The following RPL21 variants were observed in gnomAD, a reference collection of about 807,000 sequenced individuals.
RPL21 encodes the protein ribosomal protein L21.
RPL21 carries 1 observed loss-of-function variant against 21.2 expected under a neutral mutation model. The ratio of observed to expected loss-of-function variants is 0.05; its 90% CI spans 0.02 to 0.22. The LOEUF (loss-of-function observed/expected upper bound fraction) is 0.22. Among genes scored for constraint, RPL21 ranks in the 10% least tolerant of loss-of-function variants. The pLI is 1.00. For synonymous variants in RPL21, 52 were observed against 62.9 expected, an observed-to-expected ratio of 0.83 and a Z score of 0.82; for missense variants, 113 against 199.4, an observed-to-expected ratio of 0.57 and a Z score of 2.61.
At chr13:27,255,805 C>T in intron 4 of RPL21, 2 of 329,026 alleles carry the variant, frequency 6.1e-6, no homozygotes, top group Non-Finnish European at 1.2e-5. Context: ...ATCTCCTGAC[C>T]TCGTGATCTG....
At chr13:27,253,962 A>G in intron 2 of RPL21, 119 bp downstream of exon 2, 1 of 748,468 alleles carries the variant, frequency 1.3e-6, no homozygotes, top group Non-Finnish European at 2.4e-6. Context: ...GCGTCTACCC[A>G]GCTTATTTCG....
chr13:27,256,066 T>A (rs1881888711), intron 4 of RPL21, 118 bp from the exon 5 acceptor site: 3 of 777,166 alleles, frequency 3.9e-6, no homozygotes, highest in Non-Finnish European at 6.6e-6. Context: ...CTTTGTTGAT[T>A]TGTCATATCT....
At chr13:27,253,587 G>T (rs1326844098) in intron 1 of RPL21, 178 bp from the exon 2 acceptor site, 1 of 557,208 alleles carries the variant, frequency 1.8e-6, no homozygotes, top group African/African-American at 1.9e-5. Context: ...TTTGCCAAAA[G>T]ACCTTACTTG....
rs759179568 is a variant in RPL21 at position 27,256,223 on chromosome 13, G to A, written c.282G>A (p.Glu94=). The change falls in exon 5 of 6, where the codon GAG becomes GAA. Residue 94 remains glutamate, a synonymous_variant. Transcript: ENST00000311549. Reference sequence around the variant, plus strand: ...CCAAGAGAATTAATGTGCGTATTGAGCACATTAAGCACTCTAAGAGCCGAG... The same window carrying A: ...CCAAGAGAATTAATGTGCGTATTGAACACATTAAGCACTCTAAGAGCCGAG... The part of the protein sequence containing the change: ...ILAKRINVRI[E]HIKHSKSRDS... 6 of 1,588,634 alleles carry A rather than the reference G, an allele frequency of 3.8e-6. No homozygotes were observed. Among genetic ancestry groups the A allele is most frequent in the South Asian group, 3.4e-5 (3 of 88,874 alleles).
chr13:27,254,876 C>T (rs775785470), intron 3 of RPL21: 3 of 380,508 alleles, frequency 7.9e-6, no homozygotes, highest in Non-Finnish European at 1.5e-5. Flanking sequence ...TCCTCATTAC[C>T]CGCTTGGAGT....
chr13:27,253,855 T>A lies in RPL21; in HGVS notation c.67+12T>A. On this transcript the variant is annotated intron_variant, in intron 2 of 5. Coordinates refer to ENST00000311549, the MANE Select transcript of RPL21 (RefSeq NM_000982.4). ...TTTTAGAAAACATGGTAAGTAGGTT[T>A]ACCTTCCTTGAGAGAAGCATGGCAC... The A allele has an allele frequency of 6.6e-7, 1 of 1,505,402 alleles. No homozygotes were observed. The highest frequency in any genetic ancestry group is 1.1e-5 in the South Asian group (1 of 88,924). The allele number at this position is 1,505,402 out of a possible 1,614,324, so 93.3% of individuals were successfully genotyped here.
At chr13:27,254,174 T>C (rs773653795) in intron 2 of RPL21, 46 bp from the exon 3 acceptor site, 10 of 1,171,818 alleles carry the variant, frequency 8.5e-6, no homozygotes, top group Admixed American at 5.1e-5. Flanking sequence ...TCTTTTACTC[T>C]AGATTTTTAG....
intron 1 of RPL21, chr13:27,251,908 C>T (rs982674757): frequency 1.2e-4 from 19 of 152,436 alleles, no homozygotes; most frequent in African/African-American, 3.6e-4. Context: ...GTGGCTGCAT[C>T]TCCGGTACTG....
chr13:27,253,103 C>T (rs1881724699), intron 1 of RPL21, among the ~76,000 whole-genome samples: 1 of 152,172 alleles, frequency 6.6e-6, no homozygotes. Flanking sequence ...GTAGACATTA[C>T]CTCAGCTACG....
At chr13:27,254,392 ATTTTT>A (rs555263610) in intron 3 of RPL21, 111 bp downstream of exon 3, 26 of 286,824 alleles carry the variant, frequency 9.1e-5, no homozygotes, top group South Asian at 2.7e-4. Context: ...TATAGAATGG[ATTTTT>A]TTTTTTTTTT....
In RPL21 at chr13:27,253,589, C is replaced by A. The variant is rs907360971; in HGVS notation, c.-12-176C>A. 3 of 563,304 alleles carry A rather than the reference C, an allele frequency of 5.3e-6. No homozygotes were observed. In the African/African-American group the frequency reaches 5.7e-5, roughly 11 times the overall value. The allele number at this position is 563,304 out of a possible 1,614,324, so 34.9% of individuals were successfully genotyped here. A position where few individuals can be genotyped will look rare whatever the true frequency, so the allele number is the denominator to read the frequency against. On this transcript the variant is annotated intron_variant, in intron 1 of 5. Transcript: ENST00000311549. ...GAACTTGGGCAGTTTTGCCAAAAGACCTTACTTGCTAAAATAATGATTTTT... is the reference window on the plus strand; with the variant it reads ...GAACTTGGGCAGTTTTGCCAAAAGAACTTACTTGCTAAAATAATGATTTTT...
chr13:27,254,515 C>T, intron 3 of RPL21: 1 of 507,654 alleles, frequency 2.0e-6, no homozygotes, highest in Non-Finnish European at 3.5e-6. Context: ...CTGCCTCAGC[C>T]TCCCAAATAG....
At chr13:27,255,171 T>C (rs1881838647) in intron 3 of RPL21, 71 bp from the exon 4 acceptor site, 1 of 792,034 alleles carries the variant, frequency 1.3e-6, no homozygotes, top group African/African-American at 1.7e-5. Context: ...TTAGAATACT[T>C]TGCAGTTACT....
chr13:27,252,038 G>A (rs1223238613), intron 1 of RPL21, among the ~76,000 whole-genome samples: 3 of 152,136 alleles, frequency 2.0e-5, no homozygotes, highest in Non-Finnish European at 2.9e-5. Context: ...GACTTAAGGG[G>A]TAGTAGGAAT....
At chr13:27,254,365 TGTTGCATCTGTAA>T in intron 3 of RPL21, 84 bp downstream of exon 3, 1 of 767,100 alleles carries the variant, frequency 1.3e-6, no homozygotes, top group Admixed American at 1.8e-5. Flanking sequence ...TACTAGTGTA[TGTTGCATCTGTAA>T]GAGTATAGAA....
At chr13:27,251,902 C>G (rs1424482351) in intron 1 of RPL21, 1 of 152,310 alleles carries the variant, frequency 6.6e-6, no homozygotes, top group Non-Finnish European at 1.5e-5. Context: ...GTTCCCGTGG[C>G]TGCATCTCCG....
chr13:27,253,498 A>T (rs901482453), intron 1 of RPL21, among the ~76,000 whole-genome samples: 2 of 152,244 alleles, frequency 1.3e-5, no homozygotes, highest in East Asian at 1.9e-4. Flanking sequence ...TTATATTCTC[A>T]TAGAGAAAGG....
At position 27,256,346 on chromosome 13, in the gene RPL21, GTGTATATTT is replaced by G. The variant is rs1274087642; in HGVS notation, c.393+13_393+21del. 1 of 1,609,780 alleles carries G rather than the reference GTGTATATTT, an allele frequency of 6.2e-7. No individual in the cohort carries two copies. Among genetic ancestry groups the G allele is most frequent in the Non-Finnish European group, 8.5e-7 (1 of 1,176,612 alleles). Reference sequence around the variant, plus strand: ...AACTAAAGCGCCAGGTAAGAATTTGGTGTATATTTCATTGGTTCTGAGAGCACTTTAAGG... The same window carrying G: ...AACTAAAGCGCCAGGTAAGAATTTGGCATTGGTTCTGAGAGCACTTTAAGG... On this transcript the variant is annotated intron_variant, in intron 5 of 5. Coordinates refer to ENST00000311549, the MANE Select transcript of RPL21 (RefSeq NM_000982.4).
At chr13:27,252,721 C>G (rs1037802635) in intron 1 of RPL21, among the ~76,000 whole-genome samples, 3 of 152,146 alleles carry the variant, frequency 2.0e-5, no homozygotes, top group African/African-American at 7.2e-5. Flanking sequence ...AGGGTTCATC[C>G]ATTGTAACAA....
Sources: allele counts gnomAD v4.1 joint callset (sites outside exome capture counted in the v4.1 genomes callset), GRCh38; gene constraint gnomAD v4.1.1; transcripts MANE v1.5; gene names NCBI Gene and HGNC (gene_info 2026-07-23, HGNC 2026-07-21).